ATP6V1E2: variants seen among roughly 807,000 people sequenced by gnomAD.
ATP6V1E2 encodes the protein ATPase H+ transporting V1 subunit E2, also known as V-type proton ATPase subunit E 2.
For missense variants in ATP6V1E2, 308 were observed against 273.3 expected (o/e 1.13, Z -0.90); for synonymous variants, 121 against 104.2 (o/e 1.16, Z -0.98).
intron 4 of ATP6V1E2, among the ~76,000 whole-genome samples, chr2:46,521,669 C>T (rs1281524667): frequency 2.0e-5 from 3 of 151,912 alleles, no homozygotes; most frequent in Non-Finnish European, 4.4e-5. Context: ...GTGGGGCATC[C>T]CCTCTTCTGT....
chr2:46,529,788 T>TAAC lies in ATP6V1E2; in HGVS notation c.-102+6022_-102+6024dup, dbSNP rs1400849677. Among the ~76,000 whole-genome samples, 42 of 151,826 alleles carry TAAC rather than the reference T, an allele frequency of 2.8e-4. No individual in the cohort carries two copies. The East Asian group carries it at 7.5e-3, about 27-fold the overall frequency. The stretch of plus-strand genomic sequence containing the variant: ...ATGATGATGATGATAATAATAATAA[T>TAAC]AACAATTTATTGAACCCATGGATGA... On this transcript the variant is annotated intron_variant, in intron 4 of 4. Coordinates refer to ENST00000522587, the MANE Select transcript of ATP6V1E2 (RefSeq NM_001318063.2).
chr2:46,523,855 T>A (rs1446479439), intron 4 of ATP6V1E2, among the ~76,000 whole-genome samples: 1 of 152,242 alleles, frequency 6.6e-6, no homozygotes, highest in African/African-American at 2.4e-5. Flanking sequence ...TGATTCTTCC[T>A]ATCCATGAGA....
In ATP6V1E2 at chr2:46,512,202, C is replaced by A. The variant is rs1399874584; in HGVS notation, c.510G>T (p.Glu170Asp). 2 of 1,614,180 alleles carry A rather than the reference C, an allele frequency of 1.2e-6. No individual in the cohort carries two copies. Among genetic ancestry groups the A allele is most frequent in the African/African-American group, 1.3e-5 (1 of 75,038 alleles). The change falls in exon 5 of 5, where the codon GAG becomes GAT. Residue 170 changes from glutamate (E) to aspartate (D), a missense_variant. Glu to Asp is a conservative substitution (Grantham distance 45). Coordinates refer to ENST00000522587, the MANE Select transcript of ATP6V1E2 (RefSeq NM_001318063.2). ...QKHVEVQIDK[E>D]AYLAVNAAGG... ...CAGCTGCATTCACAGCCAGGTATGC[C>A]TCTTTATCAATCTGGACCTCCACAT...
Position 46,535,813 on chromosome 2 carries a change from C to T in ATP6V1E2, c.-102G>A, listed in dbSNP as rs897474369. 1.3e-5 allele frequency: 2 copies of T among 152,220 alleles called. No homozygotes were observed. The highest frequency in any genetic ancestry group is 4.8e-5 in the African/African-American group (2 of 41,448). 9.4% of individuals were successfully genotyped at this position (152,220 alleles called of 1,614,324 possible). On this transcript the variant is annotated splice_region_variant and 5_prime_UTR_variant, in exon 4 of 5. The change abolishes an upstream ATG in the 5' untranslated region. Coordinates refer to ENST00000522587, the MANE Select transcript of ATP6V1E2 (RefSeq NM_001318063.2). This position sits in a 1 kb window ranked among gnomAD's most constrained non-coding sequence, Gnocchi z 4.4. ...TTCTTTTCTTCCCACCAAGGCTCAC[C>T]ATGTAGAAGATTCTTCAAACCCAAA...
chr2:46,533,208 T>TAGATAGATAGAC (rs948426854), intron 4 of ATP6V1E2, among the ~76,000 whole-genome samples: 1 of 6,082 alleles, frequency 1.6e-4, no homozygotes, highest in African/African-American at 3.9e-4. Flanking sequence ...TATGTGTAGA[T>TAGATAGATAGAC]AGATAGATAG....
intron 4 of ATP6V1E2, among the ~76,000 whole-genome samples, chr2:46,524,682 G>A (rs996048425): frequency 1.3e-5 from 2 of 152,182 alleles, no homozygotes; most frequent in African/African-American, 4.8e-5. Flanking sequence ...TAGTAAGGAT[G>A]GGCGCTGAGA....
intron 4 of ATP6V1E2, chr2:46,519,531 G>C (rs1302797644): frequency 2.0e-5 from 3 of 152,356 alleles, no homozygotes; most frequent in Non-Finnish European, 4.4e-5. Context: ...AGCTTCCACG[G>C]TGTCGGCGTG....
At chr2:46,513,506 C>G (rs965204233) in intron 4 of ATP6V1E2, among the ~76,000 whole-genome samples, 3 of 152,160 alleles carry the variant, frequency 2.0e-5, no homozygotes, top group Non-Finnish European at 4.4e-5. Context: ...TATCCATTAT[C>G]TATTCACTTC....
At position 46,512,151 on chromosome 2, in the gene ATP6V1E2, A is replaced by T; in HGVS notation, c.561T>A (p.Asn187Lys). 6.2e-7 allele frequency: 1 copy of T among 1,614,150 alleles called. No homozygotes were observed. The highest frequency in any genetic ancestry group is 8.5e-7 in the Non-Finnish European group (1 of 1,180,028). The change falls in exon 5 of 5, where the codon AAT becomes AAA. Residue 187 changes from asparagine (N) to lysine (K), a missense_variant. Physicochemically the swap from Asn to Lys is moderately conservative, Grantham distance 94. Transcript: ENST00000522587. Reference protein sequence around the residue: ...AAGGVEVYSGNQRIKVSNTLE... With the variant: ...AAGGVEVYSGKQRIKVSNTLE... ...AGGTATTTGAAACCTTTATTCTCTG[A>T]TTGCCACTGTAGACCTCCACACCTC... is the stretch of plus-strand genomic sequence containing the variant.
At chr2:46,522,183 G>A (rs1666669166) in intron 4 of ATP6V1E2, among the ~76,000 whole-genome samples, 1 of 151,482 alleles carries the variant, frequency 6.6e-6, no homozygotes, top group South Asian at 2.1e-4. Flanking sequence ...CTAGCTACGT[G>A]GGAGGCTGAA....
intron 4 of ATP6V1E2, among the ~76,000 whole-genome samples, chr2:46,518,526 A>AG (rs59512948): frequency 1.4e-4 from 13 of 90,640 alleles, no homozygotes; most frequent in African/African-American, 4.6e-4. Flanking sequence ...CACACACACA[A>AG]ATGCTATCCC....
intron 2 of ATP6V1E2, among the ~76,000 whole-genome samples, chr2:46,540,627 T>TTTTTTTTTC (rs1472308677): frequency 2.7e-5 from 1 of 36,402 alleles, no homozygotes; most frequent in African/African-American, 1.1e-4. Flanking sequence ...TTTTTTTTTT[T>TTTTTTTTTC]TTTTTTTTTT....
Position 46,512,596 on chromosome 2 carries a change from T to C in ATP6V1E2, c.116A>G (p.Asn39Ser), listed in dbSNP as rs377582931. 1.9e-6 allele frequency: 3 copies of C among 1,614,098 alleles called. No homozygotes were observed. In the African/African-American group the frequency reaches 4.0e-5, roughly 22 times the overall value. ...TTGCACGAGGCGTCCTTTCTCAATG[T>C]TAAACTCTTCCTCAGCCTTGGCATC... ...EIDAKAEEEF[N>S]IEKGRLVQTQ... The change falls in exon 5 of 5, where the codon AAC becomes AGC. Residue 39 changes from asparagine (N) to serine (S), a missense_variant. Transcript: ENST00000522587.
intron 4 of ATP6V1E2, among the ~76,000 whole-genome samples, chr2:46,513,052 G>C (rs1031957035): frequency 2.6e-5 from 4 of 152,136 alleles, no homozygotes; most frequent in African/African-American, 9.7e-5. Context: ...GGCAGACCTA[G>C]TCCAGAAGTT....
rs57428249 is a variant in ATP6V1E2 at position 46,525,461 on chromosome 2, C to CAAA, written c.-102+10349_-102+10351dup. ...TGGGCGACAGAACGAGACTCCGTCT[C>CAAA]AAAAAAAAAAAAAAAGAAAAAAAAA... On this transcript the variant is annotated intron_variant, in intron 4 of 4. Transcript: ENST00000522587. Among the ~76,000 whole-genome samples the CAAA allele has an allele frequency of 8.5e-4, 48 of 56,696 alleles. 2 individuals carry two copies. Among genetic ancestry groups the CAAA allele is most frequent in the African/African-American group, 1.7e-3 (25 of 14,816 alleles). 37.2% of individuals were successfully genotyped at this position (56,696 alleles called of 152,430 possible).
At chr2:46,534,668 T>C (rs1023180447) in intron 4 of ATP6V1E2, 7 of 152,242 alleles carry the variant, frequency 4.6e-5, no homozygotes, top group African/African-American at 1.7e-4. Flanking sequence ...GTTACGGTAG[T>C]AGCGGATGAA....
intron 2 of ATP6V1E2, among the ~76,000 whole-genome samples, chr2:46,539,887 CCTATTCT>C (rs1045295019): frequency 6.6e-6 from 1 of 152,212 alleles, no homozygotes; most frequent in African/African-American, 2.4e-5. Context: ...CCTCCAGAAG[CCTATTCT>C]CTATTCTCTA....
Position 46,512,688 on chromosome 2 carries a change from C to G in ATP6V1E2, c.24G>C (p.Val8=), listed in dbSNP as rs1572695333. The G allele has an allele frequency of 6.2e-7, 1 of 1,613,382 alleles. No homozygotes were observed. Among genetic ancestry groups the G allele is most frequent in the Non-Finnish European group, 8.5e-7 (1 of 1,179,814 alleles). The part of the protein sequence containing the change: MALSDVD[V]KKQIKHMMAF... ...CCATCATGTGCTTAATCTGCTTTTT[C>G]ACATCGACATCACTCAGGGCCATGG... Residue 8 remains valine (V), a synonymous_variant, in exon 5 of 5, where the codon GTG becomes GTC. Transcript: ENST00000522587.
chr2:46,526,722 T>A (rs1314300441), intron 4 of ATP6V1E2, among the ~76,000 whole-genome samples: 1 of 152,224 alleles, frequency 6.6e-6, no homozygotes, highest in Non-Finnish European at 1.5e-5. Flanking sequence ...ATTTCCTTCC[T>A]TTTTATGGCT....
Sources: allele counts gnomAD v4.1 joint callset (sites outside exome capture counted in the v4.1 genomes callset), GRCh38; gene constraint gnomAD v4.1.1; non-coding constraint Gnocchi (gnomAD v3.1); transcripts MANE v1.5; gene names NCBI Gene and HGNC (gene_info 2026-07-23, HGNC 2026-07-21).